The following ZNF692 variants were observed in gnomAD, a reference collection of about 807,000 sequenced individuals.
The protein encoded by ZNF692 is zinc finger protein 692, also known as AICAR responsive element binding protein.
A neutral mutation model predicts 49.0 loss-of-function variants in ZNF692; 41 were observed. The ratio of observed to expected loss-of-function variants is 0.84; its 90% CI spans 0.65 to 1.08. ZNF692 has a LOEUF of 1.08. Among genes scored for constraint, ZNF692 ranks in the 50% least tolerant of loss-of-function variants. The pLI, the probability that ZNF692 is intolerant of heterozygous loss-of-function variation, is 0.00. For synonymous variants in ZNF692, 288 were observed against 251.5 expected (o/e 1.15, Z -1.37); for missense variants, 662 against 662.2 (o/e 1.00, Z 0.00).
chr1:248,850,966 C>T lies in ZNF692; in HGVS notation c.1154-185G>A, dbSNP rs553763393. 96 of 706,312 alleles carry T rather than the reference C, an allele frequency of 1.4e-4. No homozygotes were observed. The East Asian group carries it at 2.2e-3, about 16-fold the overall frequency. The allele number at this position is 706,312 out of a possible 1,614,324, so 43.8% of individuals were successfully genotyped here. ...CCCTTACCTGATGGGTCATGACAAC[C>T]AAGTAAGATACGAACCCAGCTAAAA... On this transcript the variant is annotated intron_variant, in intron 10 of 11. Transcript: ENST00000306601.
chr1:248,852,074 CAT>C (rs1474767945), intron 10 of ZNF692, among the ~76,000 whole-genome samples: 1 of 152,224 alleles, frequency 6.6e-6, no homozygotes, highest in Non-Finnish European at 1.5e-5. Flanking sequence ...CGGGCCTGCA[CAT>C]GTGTACTGTA....
chr1:248,854,384 G>T (rs1659972995), intron 9 of ZNF692: 1 of 235,808 alleles, frequency 4.2e-6, no homozygotes, highest in South Asian at 7.2e-5. Flanking sequence ...TGACACCCCT[G>T]GTTCACCTAA....
Position 248,858,547 on chromosome 1 carries a change from G to C in ZNF692, c.-12-226C>G. Reference sequence around the variant, plus strand: ...TCGTCGGGTGGGAGGCAGGCAGACAGAAGCAGTCAGAACAAAGGCCTGCGC... The same window carrying C: ...TCGTCGGGTGGGAGGCAGGCAGACACAAGCAGTCAGAACAAAGGCCTGCGC... On this transcript the variant is annotated intron_variant, in intron 1 of 11. Transcript: ENST00000306601. The surrounding 1 kb of genome is among the most constrained non-coding windows in gnomAD (Gnocchi z 4.3). 2 of 1,551,750 alleles carry C rather than the reference G, an allele frequency of 1.3e-6. No homozygotes were observed. Among genetic ancestry groups the C allele is most frequent in the Non-Finnish European group, 8.7e-7 (1 of 1,147,000 alleles).
At chr1:248,856,801 AAGG>A (rs994432961) in intron 4 of ZNF692, among the ~76,000 whole-genome samples, 20 of 152,114 alleles carry the variant, frequency 1.3e-4, no homozygotes, top group African/African-American at 4.1e-4. Flanking sequence ...GACTTTTAAG[AAGG>A]AGGAGGAGGG....
chr1:248,857,526 G>A (rs771473559), intron 3 of ZNF692, 29 bp from the exon 4 acceptor site: 1 of 1,594,630 alleles, frequency 6.3e-7, no homozygotes, highest in Non-Finnish European at 8.5e-7. Context: ...CAGTCAGGCT[G>A]AACTGGGAAG....
In ZNF692 at chr1:248,858,877, C is replaced by T; in HGVS notation, c.-13+41G>A. The T allele has an allele frequency of 2.8e-6, 1 of 355,780 alleles. No homozygotes were observed. 22.0% of individuals were successfully genotyped at this position (355,780 alleles called of 1,614,324 possible). On this transcript the variant is annotated intron_variant, in intron 1 of 11. Coordinates refer to ENST00000306601, the MANE Select transcript of ZNF692 (RefSeq NM_017865.4). The surrounding 1 kb of genome is among the most constrained non-coding windows in gnomAD (Gnocchi z 4.3). ...AATCCCAATGGCAGTTCCCAGGCTG[C>T]CCAGAGCCCCCGTCGCGACCCACCC...
At chr1:248,854,868 G>T (rs1660046711) in intron 9 of ZNF692, among the ~76,000 whole-genome samples, 1 of 152,060 alleles carries the variant, frequency 6.6e-6, no homozygotes, top group African/African-American at 2.4e-5. Context: ...GTCATCTTCT[G>T]TGGGCGGCAT....
At position 248,850,780 on chromosome 1, in the gene ZNF692, G is replaced by A; in HGVS notation, c.1155C>T (p.Asp385=). ...AGAACTCACAGATGTAGTCCCGGGT[G>A]TCTGCAGGCATATGAGGGACACTCC... ...HLKEHMKLHS[D]TRDYICEFCA... The change falls in exon 11 of 12, where the codon GAC becomes GAT. Residue 385 remains aspartate, a splice_region_variant and synonymous_variant. Transcript: ENST00000306601. 1 of 1,614,028 alleles carries A rather than the reference G, an allele frequency of 6.2e-7. No homozygotes were observed. Among genetic ancestry groups the A allele is most frequent in the East Asian group, 2.2e-5 (1 of 44,880 alleles).
At chr1:248,856,996 C>T (rs1431806290) in intron 4 of ZNF692, among the ~76,000 whole-genome samples, 1 of 152,194 alleles carries the variant, frequency 6.6e-6, no homozygotes. Context: ...CAAGTACTTA[C>T]ACATACACAC....
chr1:248,854,304 T>C (rs1358568782), intron 9 of ZNF692: 2 of 436,220 alleles, frequency 4.6e-6, no homozygotes, highest in East Asian at 8.3e-5. Flanking sequence ...ACTTCCATTA[T>C]CTCACCTCCT....
At position 248,850,784 on chromosome 1, in the gene ZNF692, G is replaced by A; in HGVS notation, c.1154-3C>T. On this transcript the variant is annotated splice_polypyrimidine_tract_variant and splice_region_variant and intron_variant, in intron 10 of 11. Transcript: ENST00000306601. ...CTCACAGATGTAGTCCCGGGTGTCT[G>A]CAGGCATATGAGGGACACTCCAGCA... is the stretch of plus-strand genomic sequence containing the variant. 1 of 1,613,964 alleles carries A rather than the reference G, an allele frequency of 6.2e-7. No homozygotes were observed. Among genetic ancestry groups the A allele is most frequent in the African/African-American group, 1.3e-5 (1 of 75,008 alleles).
In ZNF692 at chr1:248,855,639, C is replaced by T. The variant is rs200662933; in HGVS notation, c.882-4G>A. ...AGACTGGGCCTGACTCCCAGTGCTA[C>T]GGGCAGCAAAGAGGGAGCAGAGGGC... On this transcript the variant is annotated splice_polypyrimidine_tract_variant and splice_region_variant and intron_variant, in intron 7 of 11. Transcript: ENST00000306601. 1.8e-5 allele frequency: 29 copies of T among 1,614,178 alleles called. No homozygotes were observed. The highest frequency in any genetic ancestry group is 4.5e-5 in the East Asian group (2 of 44,886).
intron 3 of ZNF692, 21 bp downstream of exon 3, chr1:248,857,807 C>A (rs751331126): frequency 1.2e-6 from 2 of 1,612,830 alleles, no homozygotes; most frequent in African/African-American, 2.7e-5. Context: ...TGGCTCTCAC[C>A]CCCTGCCATC....
In ZNF692 at chr1:248,854,076, G is replaced by T. The variant is rs375582238; in HGVS notation, c.1039-25C>A. The T allele has an allele frequency of 2.3e-5, 37 of 1,577,266 alleles. 1 individual carries two copies. Among genetic ancestry groups the T allele is most frequent in the East Asian group, 1.6e-4 (7 of 44,714 alleles). On this transcript the variant is annotated intron_variant, in intron 9 of 11. Transcript: ENST00000306601. ...GCTAGAGAAGGAAGTGGGTGGTAGG[G>T]AGAGAAGAGGCAAAAGGATAGCCAC... is the stretch of plus-strand genomic sequence containing the variant.
At chr1:248,853,456 GC>G (rs1397865078) in intron 10 of ZNF692, among the ~76,000 whole-genome samples, 1 of 152,152 alleles carries the variant, frequency 6.6e-6, no homozygotes, top group Admixed American at 6.5e-5. Flanking sequence ...TCCTTTCTCA[GC>G]TCCTGGCCTC....
At chr1:248,852,612 G>A (rs766223487) in intron 10 of ZNF692, among the ~76,000 whole-genome samples, 6 of 152,128 alleles carry the variant, frequency 3.9e-5, no homozygotes, top group Admixed American at 6.5e-5. Context: ...AATGCACTCC[G>A]TTCCGGCTAT....
chr1:248,858,644 G>T lies in ZNF692; in HGVS notation c.-13+274C>A. On this transcript the variant is annotated intron_variant, in intron 1 of 11. Transcript: ENST00000306601. The surrounding 1 kb of genome is among the most constrained non-coding windows in gnomAD (Gnocchi z 4.3). ...TCACGGGAAATTTCAACTGGGCTGGGGGCGGTCCACACATTTCATCTTGAA... is the reference window on the plus strand; with the variant it reads ...TCACGGGAAATTTCAACTGGGCTGGTGGCGGTCCACACATTTCATCTTGAA... 1.6e-6 allele frequency: 2 copies of T among 1,274,988 alleles called. No individual in the cohort carries two copies. The highest frequency in any genetic ancestry group is 5.1e-5 in the East Asian group (2 of 39,590). 79.0% of individuals were successfully genotyped at this position (1,274,988 alleles called of 1,614,324 possible).
Position 248,850,423 on chromosome 1 carries a change from G to C in ZNF692, c.1347C>G (p.Pro449=), listed in dbSNP as rs1331297476. The C allele has an allele frequency of 6.2e-7, 1 of 1,614,036 alleles. No individual in the cohort carries two copies. The highest frequency in any genetic ancestry group is 1.7e-5 in the Admixed American group (1 of 60,002). ...HAETVAALRF[P]CEFCGKRFEK... ...CAAAGCGCTTGCCGCAGAATTCACAGGGGAAGCGCAAGGCAGCCACCGTCT... is the reference window on the plus strand; with the variant it reads ...CAAAGCGCTTGCCGCAGAATTCACACGGGAAGCGCAAGGCAGCCACCGTCT... Residue 449 remains proline (P), a synonymous_variant, in exon 12 of 12, where the codon CCC becomes CCG. Coordinates refer to ENST00000306601, the MANE Select transcript of ZNF692 (RefSeq NM_017865.4).
At chr1:248,856,016 G>T in intron 6 of ZNF692, 70 bp from the exon 7 acceptor site, 1 of 1,483,874 alleles carries the variant, frequency 6.7e-7, no homozygotes, top group Non-Finnish European at 9.2e-7. Context: ...CCCGACCCTA[G>T]CCCCTAAACT....
Sources: gnomAD v4.1 joint callset for allele counts (sites outside exome capture counted in the v4.1 genomes callset) on GRCh38, gnomAD v4.1.1 for gene constraint, Gnocchi (gnomAD v3.1) non-coding constraint, MANE v1.5 for transcripts, NCBI Gene and HGNC (gene_info 2026-07-23, HGNC 2026-07-21) for gene names.